PELI2: variants seen among roughly 807,000 people sequenced by gnomAD.
The protein encoded by PELI2 is E3 ubiquitin-protein ligase pellino homolog 2.
PELI2 carries 23 observed loss-of-function variants against 42.3 expected under a neutral mutation model. The ratio of observed to expected loss-of-function variants is 0.54; its 90% CI spans 0.39 to 0.77. The LOEUF is 0.77. Ranked by LOEUF, PELI2 falls within the 30% of genes least tolerant of loss-of-function variation. The pLI is 0.00. For missense variants in PELI2, 463 were observed against 553.2 expected, an observed-to-expected ratio of 0.84 and a Z score of 1.64; for synonymous variants, 245 against 212.2, an observed-to-expected ratio of 1.15 and a Z score of -1.34.
At chr14:56,293,625 C>G (rs1889906853) in intron 5 of PELI2, among the ~76,000 whole-genome samples, 1 of 152,110 alleles carries the variant, frequency 6.6e-6, no homozygotes. Context: ...CAGAAAACAC[C>G]AAGTCCACGC....
chr14:56,209,089 C>T lies in PELI2; in HGVS notation c.207+30625C>T, dbSNP rs573576967. 2.0e-5 allele frequency among the ~76,000 whole-genome samples: 3 copies of T among 152,198 alleles called. 1 individual carries two copies. Among genetic ancestry groups the T allele is most frequent in the African/African-American group, 7.2e-5 (3 of 41,522 alleles). On this transcript the variant is annotated intron_variant, in intron 2 of 5. Transcript: ENST00000267460. ...TGAAATATGTCAACATTTGTAAGAC[C>T]TGCATAACTCAGTGAATTAATATTT... is the stretch of plus-strand genomic sequence containing the variant.
At chr14:56,202,909 G>A (rs960442794) in intron 2 of PELI2, among the ~76,000 whole-genome samples, 1 of 151,990 alleles carries the variant, frequency 6.6e-6, no homozygotes, top group Non-Finnish European at 1.5e-5. Flanking sequence ...AAAAATAAAA[G>A]GCAGGGAAGT....
intron 2 of PELI2, among the ~76,000 whole-genome samples, chr14:56,198,721 T>C (rs1223210816): frequency 1.3e-5 from 2 of 152,148 alleles, no homozygotes; most frequent in Non-Finnish European, 2.9e-5. Flanking sequence ...CATGACTTTT[T>C]AATGATGGAT....
chr14:56,246,397 A>G (rs1201818795), intron 2 of PELI2, among the ~76,000 whole-genome samples: 16 of 152,220 alleles, frequency 1.1e-4, no homozygotes, highest in East Asian at 1.9e-4. Context: ...TCTAATGTTA[A>G]TAACTACTTA....
chr14:56,265,664 A>G (rs1369415783), intron 2 of PELI2, among the ~76,000 whole-genome samples: 2 of 152,106 alleles, frequency 1.3e-5, no homozygotes, highest in African/African-American at 2.4e-5. Flanking sequence ...TGCAAAGACA[A>G]GGTACACAGA....
At chr14:56,143,173 T>C (rs1307097124) in intron 1 of PELI2, among the ~76,000 whole-genome samples, 2 of 152,196 alleles carry the variant, frequency 1.3e-5, no homozygotes, top group African/African-American at 4.8e-5. Flanking sequence ...TGTTGAGTAC[T>C]GGTCGGTTAT....
At chr14:56,162,988 A>C (rs1256195987) in intron 1 of PELI2, among the ~76,000 whole-genome samples, 1 of 151,986 alleles carries the variant, frequency 6.6e-6, no homozygotes, top group Non-Finnish European at 1.5e-5. Context: ...TATTCTGGTT[A>C]TTAATCCCTT....
intron 1 of PELI2, among the ~76,000 whole-genome samples, chr14:56,149,853 G>A (rs145973596): frequency 5.5e-3 from 837 of 152,222 alleles, no homozygotes; most frequent in Non-Finnish European, 8.6e-3. Context: ...CGTTAAGGAC[G>A]TTTAATGTCT....
chr14:56,292,064 C>G (rs1437000883), intron 5 of PELI2, among the ~76,000 whole-genome samples: 1 of 152,212 alleles, frequency 6.6e-6, no homozygotes, highest in Non-Finnish European at 1.5e-5. Context: ...CTCGTCCACT[C>G]TGGTTATTGT....
intron 2 of PELI2, among the ~76,000 whole-genome samples, chr14:56,274,860 A>G (rs1461512674): frequency 2.0e-5 from 3 of 152,210 alleles, no homozygotes; most frequent in Admixed American, 1.3e-4. Context: ...TAAAGCTGAA[A>G]TTCTTTAATC....
chr14:56,139,160 T>G (rs1883804538), intron 1 of PELI2, among the ~76,000 whole-genome samples: 1 of 152,162 alleles, frequency 6.6e-6, no homozygotes, highest in South Asian at 2.1e-4. Context: ...CCCAATCACT[T>G]TCCTTGGTTT....
rs1251214752 is a variant in PELI2 at position 56,288,825 on chromosome 14, T to C, written c.507+191T>C. ...GAACATTAATAAGCATTGCTTGTTA[T>C]TCATTATATTTTTTATATTGTAATA... On this transcript the variant is annotated intron_variant, in intron 4 of 5. Transcript: ENST00000267460. The surrounding 1 kb of genome is among the most constrained non-coding windows in gnomAD (Gnocchi z 4.6). 2.6e-5 allele frequency among the ~76,000 whole-genome samples: 4 copies of C among 152,322 alleles called. No homozygotes were observed. The highest frequency in any genetic ancestry group is 1.9e-4 in the East Asian group (1 of 5,184).
intron 2 of PELI2, among the ~76,000 whole-genome samples, chr14:56,191,273 A>G (rs1885940317): frequency 1.3e-5 from 2 of 152,200 alleles, no homozygotes; most frequent in Non-Finnish European, 2.9e-5. Context: ...TTTTTAGGTA[A>G]TTTCATGAAG....
intron 1 of PELI2, among the ~76,000 whole-genome samples, chr14:56,122,188 C>A (rs1883084781): frequency 6.6e-6 from 1 of 152,120 alleles, no homozygotes; most frequent in Non-Finnish European, 1.5e-5. Context: ...GTGCAGCAAA[C>A]CACTATGGCA....
At chr14:56,143,048 CT>C (rs142740663) in intron 1 of PELI2, among the ~76,000 whole-genome samples, 4 of 151,062 alleles carry the variant, frequency 2.6e-5, no homozygotes, top group South Asian at 2.1e-4. Flanking sequence ...TTCCCCAATC[CT>C]TTTTTTTTGG....
At chr14:56,149,046 GCTTA>G (rs1490417966) in intron 1 of PELI2, among the ~76,000 whole-genome samples, 5 of 152,266 alleles carry the variant, frequency 3.3e-5, no homozygotes, top group African/African-American at 1.2e-4. Flanking sequence ...CACCTCCTTA[GCTTA>G]CTTGTTTCAG....
intron 4 of PELI2, among the ~76,000 whole-genome samples, chr14:56,289,174 G>C (rs1889743204): frequency 6.6e-6 from 1 of 152,120 alleles, no homozygotes; most frequent in Non-Finnish European, 1.5e-5. Flanking sequence ...TATTTTTGCA[G>C]GAAAAAACCC....
At chr14:56,190,083 C>T (rs1454316298) in intron 2 of PELI2, among the ~76,000 whole-genome samples, 3 of 151,974 alleles carry the variant, frequency 2.0e-5, no homozygotes, top group Non-Finnish European at 4.4e-5. Flanking sequence ...TAGAGTTGGA[C>T]CTCTAAATTG....
intron 2 of PELI2, among the ~76,000 whole-genome samples, chr14:56,242,450 A>C (rs898608910): frequency 1.3e-5 from 2 of 152,214 alleles, no homozygotes; most frequent in African/African-American, 4.8e-5. Flanking sequence ...CATGTAATCA[A>C]AAAGAACTAA....
Sources: allele counts gnomAD v4.1 joint callset (sites outside exome capture counted in the v4.1 genomes callset), GRCh38; gene constraint gnomAD v4.1.1; non-coding constraint Gnocchi (gnomAD v3.1); transcripts MANE v1.5; gene names NCBI Gene and HGNC (gene_info 2026-07-23, HGNC 2026-07-21).